MKLN1: variants seen among roughly 807,000 people sequenced by gnomAD.
MKLN1 encodes muskelin.
A neutral mutation model predicts 99.0 loss-of-function variants in MKLN1; 18 were observed. The ratio of observed to expected loss-of-function variants is 0.18; its 90% CI spans 0.13 to 0.27. MKLN1 has a LOEUF of 0.27. Among genes scored for constraint, MKLN1 ranks in the 10% least tolerant of loss-of-function variants. MKLN1 has a pLI of 1.00. For missense variants in MKLN1, 621 were observed against 875.9 expected (o/e 0.71, Z 3.67); for synonymous variants, 288 against 293.2 (o/e 0.98, Z 0.18).
intron 1 of MKLN1, among the ~76,000 whole-genome samples, chr7:131,339,530 C>A (rs1261108015): frequency 6.6e-6 from 1 of 152,050 alleles, no homozygotes; most frequent in Non-Finnish European, 1.5e-5. Flanking sequence ...GAAACCCCGT[C>A]TCTACTAAAA....
At chr7:131,195,040 T>C (rs1399609113) in intron 2 of MKLN1, among the ~76,000 whole-genome samples, 1 of 152,206 alleles carries the variant, frequency 6.6e-6, no homozygotes, top group Admixed American at 6.5e-5. Flanking sequence ...CAAAGGTGTT[T>C]TGCAGTATCA....
intron 3 of MKLN1, among the ~76,000 whole-genome samples, chr7:131,255,276 C>T (rs910069563): frequency 5.9e-5 from 9 of 152,024 alleles, no homozygotes; most frequent in Non-Finnish European, 1.0e-4. Flanking sequence ...GTTATCTTCA[C>T]ATCCAAGAAG....
At chr7:131,129,733 C>T (rs191679360) in intron 1 of MKLN1, among the ~76,000 whole-genome samples, 1 of 152,062 alleles carries the variant, frequency 6.6e-6, no homozygotes, top group Non-Finnish European at 1.5e-5. Flanking sequence ...GCCACCATAC[C>T]CTGTGAATTT....
At chr7:131,205,556 T>C (rs761280396) in intron 3 of MKLN1, among the ~76,000 whole-genome samples, 1 of 152,164 alleles carries the variant, frequency 6.6e-6, no homozygotes, top group Non-Finnish European at 1.5e-5. Context: ...TCAGAAGTCC[T>C]GGTGGGCTTG....
At chr7:131,406,287 T>C (rs995133289) in intron 6 of MKLN1, among the ~76,000 whole-genome samples, 2 of 151,708 alleles carry the variant, frequency 1.3e-5, no homozygotes, top group African/African-American at 4.8e-5. Context: ...TAAATTTTAT[T>C]TAAATAAAGA....
intron 1 of MKLN1, among the ~76,000 whole-genome samples, chr7:131,134,709 T>A (rs907389203): frequency 1.3e-4 from 20 of 152,172 alleles, no homozygotes; most frequent in African/African-American, 4.3e-4. Flanking sequence ...TTACTACCCT[T>A]CACCCCACTG....
chr7:131,344,875 C>T (rs1324006510), intron 1 of MKLN1, among the ~76,000 whole-genome samples: 2 of 152,050 alleles, frequency 1.3e-5, no homozygotes, highest in Non-Finnish European at 2.9e-5. Flanking sequence ...CATCTTGGCT[C>T]ACTGCAGCCT....
chr7:131,332,978 T>C lies in MKLN1; in HGVS notation c.98+4981T>C, dbSNP rs1009862722. Among the ~76,000 whole-genome samples, 6 of 152,104 alleles carry C rather than the reference T, an allele frequency of 3.9e-5. No individual in the cohort carries two copies. The East Asian group carries it at 1.2e-3, about 29-fold the overall frequency. ...TCGCTGTGTCACCCAGACTGGAATT[T>C]AGTGGCACCATCTTGGCTCACTGCA... On this transcript the variant is annotated intron_variant, in intron 1 of 17. Transcript: ENST00000352689.
intron 1 of MKLN1, among the ~76,000 whole-genome samples, chr7:131,369,981 C>T (rs1452762056): frequency 6.6e-6 from 1 of 152,128 alleles, no homozygotes; most frequent in Non-Finnish European, 1.5e-5. Flanking sequence ...GGATTACGGG[C>T]ACGTGCCACC....
intron 2 of MKLN1, among the ~76,000 whole-genome samples, chr7:131,145,197 C>T (rs1001911030): frequency 6.6e-6 from 1 of 152,124 alleles, no homozygotes; most frequent in Non-Finnish European, 1.5e-5. Context: ...TCTCTCCCCA[C>T]CCCCAATCCT....
chr7:131,337,584 T>A (rs1439805468), intron 1 of MKLN1, among the ~76,000 whole-genome samples: 1 of 151,954 alleles, frequency 6.6e-6, no homozygotes, highest in Admixed American at 6.6e-5. Flanking sequence ...TATGTGAAAA[T>A]CTCTTGTCAT....
intron 3 of MKLN1, among the ~76,000 whole-genome samples, chr7:131,222,065 C>G (rs1259240822): frequency 6.6e-6 from 1 of 151,394 alleles, no homozygotes; most frequent in Non-Finnish European, 1.5e-5. Flanking sequence ...ACCACCATGC[C>G]CGGCTAATTT....
intron 2 of MKLN1, among the ~76,000 whole-genome samples, chr7:131,150,430 T>A (rs1329109104): frequency 1.3e-5 from 2 of 152,042 alleles, no homozygotes; most frequent in African/African-American, 4.8e-5. Context: ...AAGACTGCAG[T>A]GAGCTATGAT....
intron 1 of MKLN1, among the ~76,000 whole-genome samples, chr7:131,141,005 C>G (rs1795724239): frequency 6.6e-6 from 1 of 152,114 alleles, no homozygotes; most frequent in Admixed American, 6.6e-5. Flanking sequence ...AGGATGGTCT[C>G]CATCTCCTGA....
At chr7:131,264,888 T>G (rs771187418) in intron 3 of MKLN1, among the ~76,000 whole-genome samples, 3 of 152,020 alleles carry the variant, frequency 2.0e-5, no homozygotes, top group African/African-American at 4.8e-5. Flanking sequence ...ACCCAGGCTG[T>G]AGTGCAGTGG....
chr7:131,166,657 C>T (rs922919728), intron 2 of MKLN1, among the ~76,000 whole-genome samples: 1 of 151,910 alleles, frequency 6.6e-6, no homozygotes, highest in African/African-American at 2.4e-5. Context: ...CACCTTAATC[C>T]CTCACTTCTT....
At chr7:131,458,645 A>G (rs1481203684) in intron 12 of MKLN1, among the ~76,000 whole-genome samples, 1 of 151,914 alleles carries the variant, frequency 6.6e-6, no homozygotes, top group Non-Finnish European at 1.5e-5. Context: ...CTTATATCTC[A>G]TGCCATCTTC....
At chr7:131,440,323 T>G (rs1001989783) in intron 10 of MKLN1, among the ~76,000 whole-genome samples, 5 of 152,016 alleles carry the variant, frequency 3.3e-5, no homozygotes, top group African/African-American at 1.2e-4. Flanking sequence ...AGTCATAGAA[T>G]TAGAGAAGGT....
chr7:131,133,648 A>G (rs1795597166), intron 1 of MKLN1, among the ~76,000 whole-genome samples: 1 of 150,540 alleles, frequency 6.6e-6, no homozygotes, highest in Non-Finnish European at 1.5e-5. Flanking sequence ...CACCGCGCCC[A>G]GCCTCTATTT....
Sources: allele counts gnomAD v4.1 joint callset (sites outside exome capture counted in the v4.1 genomes callset), GRCh38; gene constraint gnomAD v4.1.1; transcripts MANE v1.5; gene names NCBI Gene and HGNC (gene_info 2026-07-23, HGNC 2026-07-21).